Variants in IGSF21 observed in about 807,000 individuals in gnomAD.
The protein encoded by IGSF21 is immunoglobin superfamily member 21.
A neutral mutation model predicts 46.8 loss-of-function variants in IGSF21; 28 were observed. The observed-to-expected ratio is 0.60, with a 90% CI of 0.44 to 0.82. IGSF21 has a LOEUF of 0.82. Among genes scored for constraint, IGSF21 ranks in the 40% least tolerant of loss-of-function variants. The probability of loss-of-function intolerance (pLI) is 0.00; values close to 1 mark genes in which losing one functional copy is unlikely to be tolerated. For synonymous variants in IGSF21, 284 were observed against 273.6 expected (o/e 1.04, Z -0.38); for missense variants, 624 against 665.5 (o/e 0.94, Z 0.69).
intron 1 of IGSF21, among the ~76,000 whole-genome samples, chr1:18,171,812 C>A (rs182278871): frequency 2.0e-5 from 3 of 152,318 alleles, no homozygotes; most frequent in Admixed American, 1.3e-4. Context: ...GGGGGTGGCA[C>A]CAACTCCAGA....
intron 2 of IGSF21, among the ~76,000 whole-genome samples, chr1:18,262,937 C>T (rs531819643): frequency 2.0e-3 from 299 of 152,320 alleles, no homozygotes; most frequent in African/African-American, 6.9e-3. Context: ...ATGCATTGGC[C>T]GCTTCCCCTT....
chr1:18,366,782 A>C (rs1319079658), intron 6 of IGSF21, among the ~76,000 whole-genome samples: 1 of 152,190 alleles, frequency 6.6e-6, no homozygotes, highest in African/African-American at 2.4e-5. Flanking sequence ...ATCCATGTCC[A>C]TGATCTGCAC....
intron 1 of IGSF21, among the ~76,000 whole-genome samples, chr1:18,170,567 C>A (rs1319957249): frequency 4.0e-5 from 6 of 151,732 alleles, no homozygotes; most frequent in Admixed American, 6.6e-5. Flanking sequence ...GTAATCCTCA[C>A]AAGAATCCTA....
At chr1:18,121,234 T>C (rs1209365575) in intron 1 of IGSF21, among the ~76,000 whole-genome samples, 1 of 152,212 alleles carries the variant, frequency 6.6e-6, no homozygotes, top group African/African-American at 2.4e-5. Context: ...ACTGGATCTT[T>C]ATCCTTCATC....
intron 1 of IGSF21, among the ~76,000 whole-genome samples, chr1:18,174,292 C>T (rs1034595446): frequency 6.6e-6 from 1 of 152,180 alleles, no homozygotes; most frequent in Admixed American, 6.5e-5. Flanking sequence ...GAAGGAATTC[C>T]ATGTGTTCCC....
At chr1:18,150,700 G>A (rs558875445) in intron 1 of IGSF21, among the ~76,000 whole-genome samples, 2 of 152,340 alleles carry the variant, frequency 1.3e-5, no homozygotes, top group South Asian at 4.1e-4. Context: ...GCACCTCCCA[G>A]GGAGCTGAGA....
chr1:18,375,632 T>A (rs1268761161), intron 6 of IGSF21, among the ~76,000 whole-genome samples: 1 of 152,154 alleles, frequency 6.6e-6, no homozygotes, highest in Non-Finnish European at 1.5e-5. Flanking sequence ...TGGTCTTTCT[T>A]CCCACACCAT....
At chr1:18,349,694 G>A (rs1044313099) in intron 4 of IGSF21, among the ~76,000 whole-genome samples, 1 of 152,080 alleles carries the variant, frequency 6.6e-6, no homozygotes, top group African/African-American at 2.4e-5. Flanking sequence ...GCCAGGTGTG[G>A]GTCTACATAC....
At chr1:18,157,089 A>T (rs1486126130) in intron 1 of IGSF21, among the ~76,000 whole-genome samples, 1 of 152,044 alleles carries the variant, frequency 6.6e-6, no homozygotes, top group Admixed American at 6.5e-5. Flanking sequence ...GCACCACTGC[A>T]TGCACTCCAG....
chr1:18,328,429 C>T (rs781770959), intron 3 of IGSF21, among the ~76,000 whole-genome samples: 2 of 152,194 alleles, frequency 1.3e-5, no homozygotes, highest in Non-Finnish European at 2.9e-5. Context: ...CTGGTTTCTA[C>T]TGAGTGTGTA....
chr1:18,238,015 C>CA (rs5772797), intron 2 of IGSF21, among the ~76,000 whole-genome samples: 123,141 of 152,008 alleles, frequency 0.81, 50,767 homozygotes, highest in Non-Finnish European at 0.89. Flanking sequence ...TGGGGGTGCT[C>CA]AAACCCCAGA....
chr1:18,324,438 C>T (rs2124597307), intron 3 of IGSF21, among the ~76,000 whole-genome samples: 1 of 152,334 alleles, frequency 6.6e-6, no homozygotes, highest in South Asian at 2.1e-4. Context: ...CAAGCCTCCC[C>T]AACCGCCTGC....
At chr1:18,175,304 C>T (rs879642325) in intron 1 of IGSF21, among the ~76,000 whole-genome samples, 13 of 152,300 alleles carry the variant, frequency 8.5e-5, no homozygotes, top group Non-Finnish European at 1.3e-4. Flanking sequence ...AAACAGGCCC[C>T]TCTAGCTCTG....
intron 2 of IGSF21, among the ~76,000 whole-genome samples, chr1:18,232,503 G>A (rs1188217763): frequency 2.0e-5 from 3 of 152,108 alleles, no homozygotes; most frequent in Non-Finnish European, 4.4e-5. Context: ...TCACTGAAAG[G>A]TAGATACTAT....
chr1:18,377,355 A>G, intron 8 of IGSF21, 38 bp from the exon 9 acceptor site: 1 of 1,598,992 alleles, frequency 6.3e-7, no homozygotes, highest in Non-Finnish European at 8.6e-7. Context: ...TCTGAAGGCC[A>G]TCCACCCTTT....
intron 3 of IGSF21, among the ~76,000 whole-genome samples, chr1:18,324,850 T>C (rs936534739): frequency 6.6e-6 from 1 of 151,922 alleles, no homozygotes; most frequent in Non-Finnish European, 1.5e-5. Flanking sequence ...AAAAGGAGGG[T>C]AGGGAGTCAT....
chr1:18,262,241 A>G (rs1160535438), intron 2 of IGSF21, among the ~76,000 whole-genome samples: 1 of 152,214 alleles, frequency 6.6e-6, no homozygotes, highest in Non-Finnish European at 1.5e-5. Context: ...CCCACTCCGC[A>G]TCTGTCCTTG....
intron 2 of IGSF21, among the ~76,000 whole-genome samples, chr1:18,230,263 CT>C (rs1295212991): frequency 7.2e-5 from 11 of 152,154 alleles, no homozygotes; most frequent in Non-Finnish European, 5.9e-5. Context: ...AGAGACTCTC[CT>C]TTTTCTTCGC....
intron 1 of IGSF21, among the ~76,000 whole-genome samples, chr1:18,125,353 C>T (rs2086266548): frequency 6.6e-6 from 1 of 152,234 alleles, no homozygotes; most frequent in African/African-American, 2.4e-5. Context: ...TGTGACTCCT[C>T]TTCATGTCCC....
Sources: allele counts gnomAD v4.1 joint callset (sites outside exome capture counted in the v4.1 genomes callset), GRCh38; gene constraint gnomAD v4.1.1; transcripts MANE v1.5; gene names NCBI Gene and HGNC (gene_info 2026-07-23, HGNC 2026-07-21).